Variants in TRPC3 observed in about 807,000 individuals in gnomAD.
TRPC3 encodes the protein short transient receptor potential channel 3.
In TRPC3, 54 loss-of-function variants were observed where a neutral mutation model predicts 90.9. The ratio of observed to expected loss-of-function variants is 0.59; its 90% CI spans 0.48 to 0.75. The LOEUF is 0.75. Among genes scored for constraint, TRPC3 ranks in the 30% least tolerant of loss-of-function variants. The probability of loss-of-function intolerance (pLI) is 0.00; values close to 1 mark genes in which losing one functional copy is unlikely to be tolerated. For synonymous variants in TRPC3, 424 were observed against 450.9 expected (o/e 0.94, Z 0.75); for missense variants, 918 against 1,194.5 (o/e 0.77, Z 3.41).
chr4:121,934,374 A>G (rs1472746254), intron 1 of TRPC3, among the ~76,000 whole-genome samples: 5 of 152,192 alleles, frequency 3.3e-5, no homozygotes, highest in African/African-American at 1.2e-4. Flanking sequence ...GTGGCTATTA[A>G]AATGTTGCAC....
intron 6 of TRPC3, among the ~76,000 whole-genome samples, chr4:121,908,326 T>A (rs796782056): frequency 7.2e-5 from 11 of 152,282 alleles, no homozygotes; most frequent in African/African-American, 2.6e-4. Flanking sequence ...TGAAGATTTC[T>A]CAAAGAACTT....
intron 6 of TRPC3, 137 bp downstream of exon 6, chr4:121,910,017 A>T: frequency 1.5e-6 from 1 of 680,246 alleles, no homozygotes; most frequent in Non-Finnish European, 2.5e-6. Flanking sequence ...TAGGTTCCAA[A>T]GTTCATGCTT....
intron 4 of TRPC3, among the ~76,000 whole-genome samples, chr4:121,913,820 T>G (rs1948985): frequency 1.2e-3 from 185 of 152,320 alleles, no homozygotes; most frequent in African/African-American, 4.3e-3. Flanking sequence ...GGCAACTCAA[T>G]GATGAAATGA....
At chr4:121,931,855 C>G (rs1729941343) in intron 2 of TRPC3, among the ~76,000 whole-genome samples, 1 of 152,174 alleles carries the variant, frequency 6.6e-6, no homozygotes, top group African/African-American at 2.4e-5. Context: ...GACATCCAGA[C>G]ACGGTATACT....
chr4:121,904,158 G>C (rs989133522), intron 8 of TRPC3, among the ~76,000 whole-genome samples, 164 bp downstream of exon 8: 1 of 152,160 alleles, frequency 6.6e-6, no homozygotes, highest in African/African-American at 2.4e-5. Flanking sequence ...AGAATGTGTA[G>C]AGCTATCTAT....
chr4:121,903,639 C>A lies in TRPC3; in HGVS notation c.2254-578G>T, dbSNP rs533505540. Among the ~76,000 whole-genome samples, 16 of 152,228 alleles carry A rather than the reference C, an allele frequency of 1.1e-4. No homozygotes were observed. In the South Asian group the frequency reaches 1.9e-3, roughly 18 times the overall value. On this transcript the variant is annotated intron_variant, in intron 8 of 11. Coordinates refer to ENST00000379645, the MANE Select transcript of TRPC3 (RefSeq NM_001130698.2). ...TGCTGCCCACGGTGATGGAGATAAC[C>A]ACCCTAACTGATAGGAGAAATGAAG... is the stretch of plus-strand genomic sequence containing the variant.
intron 10 of TRPC3, among the ~76,000 whole-genome samples, chr4:121,882,768 A>G (rs1578593065): frequency 6.6e-6 from 1 of 152,046 alleles, no homozygotes; most frequent in African/African-American, 2.4e-5. Flanking sequence ...CATAGACACT[A>G]CCTTATTTCC....
intron 3 of TRPC3, among the ~76,000 whole-genome samples, chr4:121,924,488 C>T (rs1729632268): frequency 6.6e-6 from 1 of 152,172 alleles, no homozygotes; most frequent in Admixed American, 6.5e-5. Context: ...ACACATTTAA[C>T]TTGCAACTTT....
At chr4:121,933,128 A>T in intron 1 of TRPC3, 86 bp from the exon 2 acceptor site, 1 of 1,464,678 alleles carries the variant, frequency 6.8e-7, no homozygotes, top group Non-Finnish European at 9.0e-7. Context: ...TGGAATACAC[A>T]CTACCCACTG....
intron 1 of TRPC3, among the ~76,000 whole-genome samples, chr4:121,949,596 C>T (rs917789725): frequency 6.6e-6 from 1 of 152,284 alleles, no homozygotes; most frequent in South Asian, 2.1e-4. Flanking sequence ...TTACAGAGAT[C>T]AAGCTAGTCT....
At position 121,910,344 on chromosome 4, in the gene TRPC3, A is replaced by T. The variant is rs200700924; in HGVS notation, c.1602T>A (p.Pro534=). Residue 534 remains proline (P), a synonymous_variant, in exon 6 of 12, where the codon CCT becomes CCA. Coordinates refer to ENST00000379645, the MANE Select transcript of TRPC3 (RefSeq NM_001130698.2). ...TCCACAACTGCAAAATGTATTCCCT[A>T]GGTCCTTCCAGCCAGAGCTCTTTAC... ...SECKELWLEG[P]REYILQLWNV... The T allele has an allele frequency of 5.0e-6, 8 of 1,613,656 alleles. No individual in the cohort carries two copies. The highest frequency in any genetic ancestry group is 1.6e-4 in the Middle Eastern group (1 of 6,080).
At chr4:121,925,532 G>T (rs868695994) in intron 2 of TRPC3, among the ~76,000 whole-genome samples, 2 of 152,188 alleles carry the variant, frequency 1.3e-5, no homozygotes, top group Non-Finnish European at 2.9e-5. Context: ...GGAGTAGGAG[G>T]TAGGGTGAAG....
intron 10 of TRPC3, among the ~76,000 whole-genome samples, chr4:121,888,082 A>G (rs1163338096): frequency 6.6e-6 from 1 of 151,978 alleles, no homozygotes; most frequent in Non-Finnish European, 1.5e-5. Flanking sequence ...GCAGCCTCAA[A>G]CTCCTGGACT....
chr4:121,898,457 A>T (rs891835253), intron 10 of TRPC3, among the ~76,000 whole-genome samples: 8 of 152,140 alleles, frequency 5.3e-5, no homozygotes, highest in African/African-American at 1.9e-4. Flanking sequence ...TGCACTCCTT[A>T]TGAGAATCTA....
At position 121,877,579 on chromosome 4, in the gene TRPC3, G is replaced by T. The variant is rs77927034; in HGVS notation, c.*2157C>A. 0.011 allele frequency among the ~76,000 whole-genome samples: 1,715 copies of T among 152,126 alleles called. 46 individuals carry two copies. The highest frequency in any genetic ancestry group is 0.04 in the African/African-American group (1,639 of 41,482). ...GGAGAATCTGGGAGACAGGTGCACT[G>T]GTCCAGTAGAGGGCATCTGGGCAGG... is the stretch of plus-strand genomic sequence containing the variant. On this transcript the variant is annotated 3_prime_UTR_variant, in exon 12 of 12. Transcript: ENST00000379645.
chr4:121,913,680 A>G (rs988929243), intron 4 of TRPC3, among the ~76,000 whole-genome samples: 1 of 148,814 alleles, frequency 6.7e-6, no homozygotes, highest in Non-Finnish European at 1.5e-5. Context: ...CATATTATTT[A>G]TAGTTTTTCA....
intron 10 of TRPC3, among the ~76,000 whole-genome samples, chr4:121,893,489 A>G (rs1728403805): frequency 6.6e-6 from 1 of 152,198 alleles, no homozygotes; most frequent in Admixed American, 6.5e-5. Context: ...TACAGGTTAA[A>G]TGAAAATATA....
Position 121,932,124 on chromosome 4 carries a change from G to A in TRPC3, c.987+147C>T. 1 of 1,254,446 alleles carries A rather than the reference G, an allele frequency of 8.0e-7. No homozygotes were observed. Among genetic ancestry groups the A allele is most frequent in the Non-Finnish European group, 1.1e-6 (1 of 925,634 alleles). 77.7% of individuals were successfully genotyped at this position (1,254,446 alleles called of 1,614,324 possible). A position where few individuals can be genotyped will look rare whatever the true frequency, so the allele number is the denominator to read the frequency against. ...GAGAGGGAGAAAGAAAACATTAGAT[G>A]AGGTCTGAATGACGTTCTCAGTCCC... On this transcript the variant is annotated intron_variant, in intron 2 of 11. Transcript: ENST00000379645. The surrounding 1 kb of genome is among the most constrained non-coding windows in gnomAD (Gnocchi z 7.7).
chr4:121,907,641 A>C (rs1476146577), intron 6 of TRPC3, 74 bp from the exon 7 acceptor site: 1 of 1,475,342 alleles, frequency 6.8e-7, no homozygotes, highest in African/African-American at 1.4e-5. Context: ...AAATACCTTA[A>C]ATAGGATCTA....
Sources: gnomAD v4.1 joint callset for allele counts (sites outside exome capture counted in the v4.1 genomes callset) on GRCh38, gnomAD v4.1.1 for gene constraint, Gnocchi (gnomAD v3.1) non-coding constraint, MANE v1.5 for transcripts, NCBI Gene and HGNC (gene_info 2026-07-23, HGNC 2026-07-21) for gene names.